The following REEP6 variants were observed in gnomAD, a reference collection of about 807,000 sequenced individuals.
REEP6 encodes receptor expression-enhancing protein 6.
In REEP6, 19 loss-of-function variants were observed where a neutral mutation model predicts 22.4. The observed-to-expected ratio is 0.85, with a 90% CI of 0.59 to 1.25. REEP6 has a LOEUF of 1.25. Among genes scored for constraint, REEP6 ranks in the 50% most tolerant of loss-of-function variants. The probability of loss-of-function intolerance (pLI) is 0.00; values close to 1 mark genes in which losing one functional copy is unlikely to be tolerated. For missense variants in REEP6, 273 were observed against 251.9 expected, an observed-to-expected ratio of 1.08 and a Z score of -0.57; for synonymous variants, 121 against 113.6, an observed-to-expected ratio of 1.06 and a Z score of -0.41.
rs1057519341 is a variant in REEP6 at position 1,496,380 on chromosome 19, CG to C, written c.448del (p.Ala150ProfsTer2). The C allele has an allele frequency of 6.2e-7, 1 of 1,613,248 alleles. No individual in the cohort carries two copies. Among genetic ancestry groups the C allele is most frequent in the Non-Finnish European group, 8.5e-7 (1 of 1,179,938 alleles). On this transcript the variant is annotated frameshift_variant, in exon 4 of 5. Coordinates refer to ENST00000233596, the MANE Select transcript of REEP6 (RefSeq NM_138393.4). LOFTEE classifies it high-confidence loss of function. ...TGCGTCCGCTGTTCCTAAGGCACCA[CG>C]GGGCCGTAGACAGAATCATGAACGA... Reference protein sequence around the residue: ...VVRPLFLRHHGAVDRIMNDLS... With the variant: ...VVRPLFLRHHXAVDRIMNDLS...
At chr19:1,493,420 A>G (rs1023271288) in intron 1 of REEP6, among the ~76,000 whole-genome samples, 3 of 151,904 alleles carry the variant, frequency 2.0e-5, no homozygotes, top group African/African-American at 7.3e-5. Context: ...GATAAAGACT[A>G]AAGCAGGTGG....
At chr19:1,492,121 A>T (rs1022329117) in intron 1 of REEP6, among the ~76,000 whole-genome samples, 4 of 152,142 alleles carry the variant, frequency 2.6e-5, no homozygotes, top group African/African-American at 9.6e-5. Context: ...CCCACCTTTA[A>T]AACTTTTTTT....
chr19:1,491,973 G>C lies in REEP6; in HGVS notation c.115+589G>C, dbSNP rs1452443372. On this transcript the variant is annotated intron_variant, in intron 1 of 4. Transcript: ENST00000233596. The surrounding 1 kb of genome is among the most constrained non-coding windows in gnomAD (Gnocchi z 5.4). The stretch of plus-strand genomic sequence containing the variant: ...GGGAGGCTGGACTGGGGCCCACAGA[G>C]CCGGAGATCCAGGCACCCCGATTGT... Among the ~76,000 whole-genome samples, 1 of 152,216 alleles carries C rather than the reference G, an allele frequency of 6.6e-6. No individual in the cohort carries two copies. Among genetic ancestry groups the C allele is most frequent in the Non-Finnish European group, 1.5e-5 (1 of 68,036 alleles).
chr19:1,495,255 G>C (rs374738143), intron 1 of REEP6, 39 bp from the exon 2 acceptor site: 1 of 1,596,836 alleles, frequency 6.3e-7, no homozygotes, highest in African/African-American at 1.3e-5. Flanking sequence ...GGGCTCAGCG[G>C]GTCCCCAGCC....
intron 3 of REEP6, 135 bp downstream of exon 3, chr19:1,495,742 G>A: frequency 7.8e-7 from 1 of 1,277,382 alleles, no homozygotes; most frequent in Non-Finnish European, 1.1e-6. Flanking sequence ...CTTCCCTGGG[G>A]AAACGAGCCC....
At chr19:1,493,898 G>A (rs1360241163) in intron 1 of REEP6, among the ~76,000 whole-genome samples, 2 of 152,134 alleles carry the variant, frequency 1.3e-5, no homozygotes, top group African/African-American at 4.8e-5. Flanking sequence ...GACCAGCCTG[G>A]CCAACATGGT....
chr19:1,491,302 C>A lies in REEP6; in HGVS notation c.33C>A (p.Phe11Leu). 6.8e-7 allele frequency: 1 copy of A among 1,475,846 alleles called. No individual in the cohort carries two copies. Among genetic ancestry groups the A allele is most frequent in the Non-Finnish European group, 9.0e-7 (1 of 1,114,944 alleles). 91.4% of individuals were successfully genotyped at this position (1,475,846 alleles called of 1,614,324 possible). MDGLRQRVEH[F>L]LEQRNLVTEV... Reference sequence around the variant, plus strand: ...GCCTGAGGCAGCGCGTGGAGCACTTCCTGGAGCAAAGGAACCTGGTCACCG... The same window carrying A: ...GCCTGAGGCAGCGCGTGGAGCACTTACTGGAGCAAAGGAACCTGGTCACCG... The change falls in exon 1 of 5, where the codon TTC (phenylalanine) becomes TTA (leucine). Residue 11 changes from phenylalanine (F) to leucine (L), a missense_variant. Physicochemically the swap from Phe to Leu is conservative, Grantham distance 22. Coordinates refer to ENST00000233596, the MANE Select transcript of REEP6 (RefSeq NM_138393.4). This position sits in a 1 kb window ranked among gnomAD's most constrained non-coding sequence, Gnocchi z 5.4.
chr19:1,496,734 GTGTT>G (rs750852881), intron 4 of REEP6: 21 of 650,184 alleles, frequency 3.2e-5, no homozygotes, highest in African/African-American at 5.4e-5. Context: ...GCGCGCGCGT[GTGTT>G]TGAGCGTATG....
rs554948971 is a variant in REEP6, at chr19:1,497,729, G to C, written c.*518G>C. The C allele has an allele frequency of 2.1e-6, 1 of 471,250 alleles. No individual in the cohort carries two copies. Among genetic ancestry groups the C allele is most frequent in the Admixed American group, 2.3e-5 (1 of 42,574 alleles). 29.2% of individuals were successfully genotyped at this position (471,250 alleles called of 1,614,324 possible). On this transcript the variant is annotated 3_prime_UTR_variant, in exon 5 of 5. Transcript: ENST00000233596. The surrounding 1 kb of genome is among the most constrained non-coding windows in gnomAD (Gnocchi z 6.5). The stretch of plus-strand genomic sequence containing the variant: ...CCAGCGGACAGCGCCAGAAGGAATC[G>C]TCGAAACAGCCTGCCAGCAGCGCCT...
rs759222674 is a variant in REEP6, at chr19:1,495,384, C to T, written c.206C>T (p.Ala69Val). Residue 69 changes from alanine (A) to valine (V), a missense_variant, in exon 2 of 5, where the codon GCC (alanine) becomes GTC (valine). Transcript: ENST00000233596. ...ATCGGATTTGTGTACCCCGCATATG[C>T]CTCGTGAGTGCACGGCTGGCTGCCC... Reference protein sequence around the residue: ...NLIGFVYPAYASIKAIESPSK... With the variant: ...NLIGFVYPAYVSIKAIESPSK... 4 of 1,613,728 alleles carry T rather than the reference C, an allele frequency of 2.5e-6. No individual in the cohort carries two copies. In the Admixed American group the frequency reaches 5.0e-5, roughly 20 times the overall value.
chr19:1,494,476 A>G (rs550641726), intron 1 of REEP6, among the ~76,000 whole-genome samples: 1 of 152,272 alleles, frequency 6.6e-6, no homozygotes, highest in Non-Finnish European at 1.5e-5. Context: ...ACCGAAAACA[A>G]CCAAGAATGA....
rs1002708288 is a variant in REEP6, at chr19:1,497,833, G to A, written c.*622G>A. ...GAGTCCACCACCGAGATCACCTGCA[G>A]CTGGCCACACCACAGGCCCCCGTGC... On this transcript the variant is annotated 3_prime_UTR_variant, in exon 5 of 5. Transcript: ENST00000233596. The surrounding 1 kb of genome is among the most constrained non-coding windows in gnomAD (Gnocchi z 6.5). The A allele has an allele frequency of 7.4e-5, 35 of 470,652 alleles. No individual in the cohort carries two copies. Among genetic ancestry groups the A allele is most frequent in the Admixed American group, 7.3e-4 (31 of 42,544 alleles). The allele number at this position is 470,652 out of a possible 1,614,324, so 29.2% of individuals were successfully genotyped here. A position where few individuals can be genotyped will look rare whatever the true frequency, so the allele number is the denominator to read the frequency against.
At chr19:1,496,165 C>T in intron 3 of REEP6, 120 bp from the exon 4 acceptor site, 2 of 1,247,408 alleles carry the variant, frequency 1.6e-6, no homozygotes, top group Non-Finnish European at 2.2e-6. Flanking sequence ...TAAAGGGTGT[C>T]TGATGGTGGA....
rs140456626 is a variant in REEP6 at position 1,492,084 on chromosome 19, A to C, written c.115+700A>C. Among the ~76,000 whole-genome samples, 8 of 152,310 alleles carry C rather than the reference A, an allele frequency of 5.3e-5. No homozygotes were observed. In the East Asian group the frequency reaches 1.5e-3, roughly 29 times the overall value. Reference sequence around the variant, plus strand: ...TTCCAAATCTCTAGCAAGAGCATGTAGTAAACGCTCCTTAAATGCCTCCCT... The same window carrying C: ...TTCCAAATCTCTAGCAAGAGCATGTCGTAAACGCTCCTTAAATGCCTCCCT... On this transcript the variant is annotated intron_variant, in intron 1 of 4. Coordinates refer to ENST00000233596, the MANE Select transcript of REEP6 (RefSeq NM_138393.4).
At position 1,491,842 on chromosome 19, in the gene REEP6, TC is replaced by T. The variant is rs2084950954; in HGVS notation, c.115+460del. Among the ~76,000 whole-genome samples, 2 of 152,094 alleles carry T rather than the reference TC, an allele frequency of 1.3e-5. No individual in the cohort carries two copies. Among genetic ancestry groups the T allele is most frequent in the Non-Finnish European group, 1.5e-5 (1 of 68,006 alleles). ...CCTGCCCAGGACCCTTCTCCTTTCC[TC>T]CTCCTCTCCTGCCCTAGCTCACCTT... On this transcript the variant is annotated intron_variant, in intron 1 of 4. Coordinates refer to ENST00000233596, the MANE Select transcript of REEP6 (RefSeq NM_138393.4). The surrounding 1 kb of genome is among the most constrained non-coding windows in gnomAD (Gnocchi z 5.4).
rs1431674097 is a variant in REEP6, at chr19:1,491,851, C to G, written c.115+467C>G. 6.6e-6 allele frequency among the ~76,000 whole-genome samples: 1 copy of G among 152,224 alleles called. No individual in the cohort carries two copies. Among genetic ancestry groups the G allele is most frequent in the Admixed American group, 6.5e-5 (1 of 15,288 alleles). On this transcript the variant is annotated intron_variant, in intron 1 of 4. Coordinates refer to ENST00000233596, the MANE Select transcript of REEP6 (RefSeq NM_138393.4). The surrounding 1 kb of genome is among the most constrained non-coding windows in gnomAD (Gnocchi z 5.4). The stretch of plus-strand genomic sequence containing the variant: ...GACCCTTCTCCTTTCCTCCTCCTCT[C>G]CTGCCCTAGCTCACCTTCCCCCAGC...
intron 3 of REEP6, chr19:1,495,949 T>C (rs1201975267): frequency 5.7e-6 from 3 of 530,754 alleles, no homozygotes; most frequent in Non-Finnish European, 1.0e-5. Context: ...GAGGGCTCAC[T>C]TAAAGGGTGT....
At position 1,496,430 on chromosome 19, in the gene REEP6, C is replaced by T. The variant is rs752876363; in HGVS notation, c.494C>T (p.Ala165Val). The change falls in exon 4 of 5, where the codon GCG becomes GTG. Residue 165 changes from alanine (A) to valine (V), a missense_variant. Physicochemically the swap from Ala to Val is moderately conservative, Grantham distance 64 (BLOSUM62 0). Transcript: ENST00000233596. Reference sequence around the variant, plus strand: ...GACCTCAGCGGGCGAGCCCTGGACGCGGCGGCCGGAATAACCAGGAACGGT... The same window carrying T: ...GACCTCAGCGGGCGAGCCCTGGACGTGGCGGCCGGAATAACCAGGAACGGT... The part of the protein sequence containing the change: ...MNDLSGRALD[A>V]AAGITRNVKP... The T allele has an allele frequency of 1.1e-5, 17 of 1,612,522 alleles. No individual in the cohort carries two copies. The highest frequency in any genetic ancestry group is 5.0e-5 in the Admixed American group (3 of 60,000).
Position 1,491,443 on chromosome 19 carries a change from G to T in REEP6, c.115+59G>T, listed in dbSNP as rs945565832. ...GGCACACCGAGGCCATGGGCCTGGG[G>T]GTCGCAGACCGGACTCCTTCCCCGG... On this transcript the variant is annotated intron_variant, in intron 1 of 4. Coordinates refer to ENST00000233596, the MANE Select transcript of REEP6 (RefSeq NM_138393.4). This position sits in a 1 kb window ranked among gnomAD's most constrained non-coding sequence, Gnocchi z 5.4. 4.6e-5 allele frequency: 56 copies of T among 1,206,810 alleles called. No homozygotes were observed. In the African/African-American group the frequency reaches 8.5e-4, roughly 18 times the overall value. The allele number at this position is 1,206,810 out of a possible 1,614,324, so 74.8% of individuals were successfully genotyped here. A position where few individuals can be genotyped will look rare whatever the true frequency, so the allele number is the denominator to read the frequency against.
Sources: gnomAD v4.1 joint callset for allele counts (sites outside exome capture counted in the v4.1 genomes callset) on GRCh38, gnomAD v4.1.1 for gene constraint, Gnocchi (gnomAD v3.1) non-coding constraint, MANE v1.5 for transcripts, NCBI Gene and HGNC (gene_info 2026-07-23, HGNC 2026-07-21) for gene names.